KMT2A: variants seen among roughly 807,000 people sequenced by gnomAD.
KMT2A encodes the protein lysine methyltransferase 2A.
In KMT2A, 16 loss-of-function variants were observed where a neutral mutation model predicts 345.3. The ratio of observed to expected loss-of-function variants is 0.05; its 90% CI spans 0.03 to 0.07. The LOEUF (loss-of-function observed/expected upper bound fraction) is 0.07, where lower values mean the gene tolerates loss of function less well. Ranked by LOEUF, KMT2A falls within the 10% of genes least tolerant of loss-of-function variation. The probability of loss-of-function intolerance (pLI) is 1.00; values close to 1 mark genes in which losing one functional copy is unlikely to be tolerated. For synonymous variants in KMT2A, 1,599 were observed against 1,778.6 expected (o/e 0.90, Z 2.54); for missense variants, 3,272 against 4,841.6 (o/e 0.68, Z 9.62).
In KMT2A at chr11:118,497,963, C is replaced by G. The variant is rs1950436930; in HGVS notation, c.5692C>G (p.Gln1898Glu). The change falls in exon 21 of 36, where the codon CAA (glutamine) becomes GAA (glutamate). Residue 1898 changes from glutamine (Q) to glutamate (E), a missense_variant. Physicochemically the swap from Gln to Glu is conservative, Grantham distance 29 (BLOSUM62 2). Around this residue, in one of 27 missense-constraint regions of KMT2A, gnomAD observed 235 missense variants for 503.4 expected, o/e 0.47. Coordinates refer to ENST00000534358, the MANE Select transcript of KMT2A (RefSeq NM_001197104.2). This position sits in a 1 kb window ranked among gnomAD's most constrained non-coding sequence, Gnocchi z 4.8. ...NDAGRLLYIGQNEWTHVNCAL... is the reference protein window; with the variant it reads ...NDAGRLLYIGENEWTHVNCAL... The stretch of plus-strand genomic sequence containing the variant: ...TGCTGGTCGTTTACTATATATTGGC[C>G]AAAATGAGTGGACACATGTAAATTG... The G allele has an allele frequency of 6.2e-7, 1 of 1,613,136 alleles. No individual in the cohort carries two copies. Among genetic ancestry groups the G allele is most frequent in the South Asian group, 1.1e-5 (1 of 91,048 alleles).
rs782639068 is a variant in KMT2A at position 118,502,893 on chromosome 11, T to G, written c.7001T>G (p.Leu2334Arg). ...HNVAYPGIPK[L>R]APQVHNTTSR... ...GTGGCTTACCCTGGAATTCCTAAACTGGCCCCACAGGTTCATAACACAACA... is the reference window on the plus strand; with the variant it reads ...GTGGCTTACCCTGGAATTCCTAAACGGGCCCCACAGGTTCATAACACAACA... Residue 2334 changes from leucine to arginine, a missense_variant, in exon 27 of 36, where the codon CTG becomes CGG. Leu to Arg is a moderately radical substitution (Grantham distance 102). Transcript: ENST00000534358. This position sits in a 1 kb window ranked among gnomAD's most constrained non-coding sequence, Gnocchi z 4.9. 3.7e-6 allele frequency: 6 copies of G among 1,614,068 alleles called. No individual in the cohort carries two copies. In the African/African-American group the frequency reaches 6.7e-5, roughly 18 times the overall value.
intron 24 of KMT2A, among the ~76,000 whole-genome samples, chr11:118,500,154 T>C (rs974375765): frequency 6.6e-6 from 1 of 152,176 alleles, no homozygotes; most frequent in Non-Finnish European, 1.5e-5. Flanking sequence ...AATAAAACCT[T>C]AGTAGAAAAC....
In KMT2A at chr11:118,443,727, A is replaced by C. The variant is rs1001210854; in HGVS notation, c.432+6783A>C. Among the ~76,000 whole-genome samples, 65 of 152,290 alleles carry C rather than the reference A, an allele frequency of 4.3e-4. 1 individual carries two copies. Among genetic ancestry groups the C allele is most frequent in the Admixed American group, 4.2e-3 (64 of 15,304 alleles). On this transcript the variant is annotated intron_variant, in intron 1 of 35. Transcript: ENST00000534358. ...CCTTGAAATGAGTAGTTGTTTTTCT[A>C]TTTGACAAATAGACTGAAGGGATTT...
Position 118,472,100 on chromosome 11 carries a change from C to A in KMT2A, c.941C>A (p.Thr314Asn), listed in dbSNP as rs2134259222. ...CCTCCATCAACAGAAAGGATAAAGA[C>A]CCCTTCGGGTCTCCTCATTAATTCT... is the stretch of plus-strand genomic sequence containing the variant. The part of the protein sequence containing the change: ...GRPPSTERIK[T>N]PSGLLINSEL... Residue 314 changes from threonine to asparagine, a missense_variant, in exon 3 of 36, where the codon ACC becomes AAC. Coordinates refer to ENST00000534358, the MANE Select transcript of KMT2A (RefSeq NM_001197104.2). The A allele has an allele frequency of 6.2e-7, 1 of 1,614,030 alleles. No individual in the cohort carries two copies. Among genetic ancestry groups the A allele is most frequent in the Non-Finnish European group, 8.5e-7 (1 of 1,180,028 alleles).
chr11:118,464,012 T>A (rs1949794941), intron 1 of KMT2A, among the ~76,000 whole-genome samples: 1 of 152,228 alleles, frequency 6.6e-6, no homozygotes, highest in East Asian at 1.9e-4. Context: ...TCATTGATGC[T>A]TTACATAAAG....
At chr11:118,440,839 G>C (rs1321234548) in intron 1 of KMT2A, among the ~76,000 whole-genome samples, 3 of 149,610 alleles carry the variant, frequency 2.0e-5, no homozygotes, top group Non-Finnish European at 4.4e-5. Context: ...AGTGGGAGTT[G>C]CTCCTTCGTT....
rs493992 is a variant in KMT2A at position 118,456,332 on chromosome 11, T to A, written c.433-12443T>A. ...TGAGACCTCATCTCTACTAAAAATT[T>A]AAAAAATGAACCTTTTTTTTTTTTG... On this transcript the variant is annotated intron_variant, in intron 1 of 35. Coordinates refer to ENST00000534358, the MANE Select transcript of KMT2A (RefSeq NM_001197104.2). Among the ~76,000 whole-genome samples the A allele has an allele frequency of 2.0e-5, 3 of 152,082 alleles. No individual in the cohort carries two copies. The South Asian group carries it at 6.2e-4, about 32-fold the overall frequency.
chr11:118,500,044 T>C (rs1950475478), intron 24 of KMT2A, 131 bp downstream of exon 24: 1 of 617,390 alleles, frequency 1.6e-6, no homozygotes, highest in Non-Finnish European at 2.9e-6. Flanking sequence ...TCACTTATTT[T>C]GCTAGTTCTC....
At chr11:118,509,473 T>C (rs1047384961) in intron 29 of KMT2A, among the ~76,000 whole-genome samples, 13 of 152,138 alleles carry the variant, frequency 8.5e-5, no homozygotes, top group African/African-American at 2.7e-4. Flanking sequence ...GCACTGAGGC[T>C]TAAATAGCTA....
intron 4 of KMT2A, among the ~76,000 whole-genome samples, chr11:118,477,585 A>G (rs1420945135): frequency 4.0e-5 from 5 of 125,880 alleles, no homozygotes; most frequent in Middle Eastern, 6.8e-3. Flanking sequence ...TCGGCTCACT[A>G]CAGCCTCCAC....
In KMT2A at chr11:118,522,980, C is replaced by T. The variant is rs1951003950; in HGVS notation, c.*808C>T. 1 of 224,158 alleles carries T rather than the reference C, an allele frequency of 4.5e-6. No individual in the cohort carries two copies. Among genetic ancestry groups the T allele is most frequent in the Non-Finnish European group, 8.9e-6 (1 of 112,032 alleles). 13.9% of individuals were successfully genotyped at this position (224,158 alleles called of 1,614,324 possible). On this transcript the variant is annotated 3_prime_UTR_variant, in exon 36 of 36. Transcript: ENST00000534358. The surrounding 1 kb of genome is among the most constrained non-coding windows in gnomAD (Gnocchi z 5.4). ...GACTGACTGCCTGCTCAAGGACACT[C>T]CCTGCTGGGCATAGGATGTGCCTGC...
chr11:118,454,467 T>C (rs1446921654), intron 1 of KMT2A, among the ~76,000 whole-genome samples: 1 of 152,208 alleles, frequency 6.6e-6, no homozygotes, highest in Non-Finnish European at 1.5e-5. Flanking sequence ...TTTTTCTCAT[T>C]TAGGCCTAAC....
intron 3 of KMT2A, among the ~76,000 whole-genome samples, chr11:118,475,312 G>T (rs1950016262): frequency 6.6e-6 from 1 of 151,652 alleles, no homozygotes; most frequent in African/African-American, 2.4e-5. Flanking sequence ...GCTAGTCACT[G>T]GCCTTTTCTG....
In KMT2A at chr11:118,472,452, T is replaced by C. The variant is rs1555035893; in HGVS notation, c.1293T>C (p.Asp431=). 2 of 1,614,032 alleles carry C rather than the reference T, an allele frequency of 1.2e-6. No homozygotes were observed. Among genetic ancestry groups the C allele is most frequent in the South Asian group, 1.1e-5 (1 of 91,076 alleles). ...AGACCCCTCGGCGGTTTATAGAGGA[T>C]GAGGATTATGACCCTCCAATTAAAA... ...IIKTPRRFIE[D]EDYDPPIKIA... The change falls in exon 3 of 36, where the codon GAT becomes GAC. Residue 431 remains aspartate (D), a synonymous_variant. Coordinates refer to ENST00000534358, the MANE Select transcript of KMT2A (RefSeq NM_001197104.2).
chr11:118,500,357 G>T (rs1950480968), intron 24 of KMT2A, among the ~76,000 whole-genome samples: 1 of 152,170 alleles, frequency 6.6e-6, no homozygotes, highest in Non-Finnish European at 1.5e-5. Flanking sequence ...TATGAAGTAA[G>T]TTGTTAAAAT....
At position 118,473,543 on chromosome 11, in the gene KMT2A, C is replaced by G; in HGVS notation, c.2384C>G (p.Thr795Ser). ...CTTGCCACTAGTGCCTTAAACCCAA[C>G]TTTTACTTTTCCTTCTCATTCCCTG... ...SPLATSALNP[T>S]FTFPSHSLTQ... The change falls in exon 3 of 36, where the codon ACT becomes AGT. Residue 795 changes from threonine (T) to serine (S), a missense_variant. By Grantham distance (58) the Thr-to-Ser change is moderately conservative (BLOSUM62 1). Around this residue, in one of 27 missense-constraint regions of KMT2A, gnomAD observed 209 missense variants for 237.4 expected, o/e 0.88. Transcript: ENST00000534358. This position sits in a 1 kb window ranked among gnomAD's most constrained non-coding sequence, Gnocchi z 5.2. The G allele has an allele frequency of 6.2e-7, 1 of 1,614,116 alleles. No homozygotes were observed. Among genetic ancestry groups the G allele is most frequent in the Non-Finnish European group, 8.5e-7 (1 of 1,180,024 alleles).
At chr11:118,518,950 C>T (rs371836362) in intron 31 of KMT2A, among the ~76,000 whole-genome samples, 117 of 145,154 alleles carry the variant, frequency 8.1e-4, no homozygotes, top group South Asian at 6.7e-3. Context: ...GTGGTGGCGG[C>T]GCCCGTAGTC....
chr11:118,462,706 C>A (rs924145346), intron 1 of KMT2A, among the ~76,000 whole-genome samples: 3 of 152,078 alleles, frequency 2.0e-5, no homozygotes, highest in Non-Finnish European at 4.4e-5. Context: ...CTACAGGCGC[C>A]CGCCATCACG....
Position 118,503,993 on chromosome 11 carries a change from G to A in KMT2A, c.8101G>A (p.Ala2701Thr), listed in dbSNP as rs781925188. 6.2e-7 allele frequency: 1 copy of A among 1,614,176 alleles called. No individual in the cohort carries two copies. Among genetic ancestry groups the A allele is most frequent in the South Asian group, 1.1e-5 (1 of 91,086 alleles). Residue 2701 changes from alanine to threonine, a missense_variant, in exon 27 of 36, where the codon GCA becomes ACA. Physicochemically the swap from Ala to Thr is moderately conservative, Grantham distance 58. Coordinates refer to ENST00000534358, the MANE Select transcript of KMT2A (RefSeq NM_001197104.2). This position sits in a 1 kb window ranked among gnomAD's most constrained non-coding sequence, Gnocchi z 5.3. ...VISSGGEERL[A>T]SHNLFREEEQ... ...TTCTTCAGGTGGAGAGGAACGACTG[G>A]CATCCCATAATTTATTTCGGGAGGA...
Sources: gnomAD v4.1 joint callset for allele counts (sites outside exome capture counted in the v4.1 genomes callset) on GRCh38, gnomAD v4.1.1 for gene constraint, gnomAD v4.1.1 regional missense constraint, Gnocchi (gnomAD v3.1) non-coding constraint, MANE v1.5 for transcripts, NCBI Gene and HGNC (gene_info 2026-07-23, HGNC 2026-07-21) for gene names.